RBM19: variants seen among roughly 807,000 people sequenced by gnomAD.
The protein encoded by RBM19 is RNA binding motif protein 19, also known as probable RNA-binding protein 19.
In RBM19, 94 loss-of-function variants were observed where a neutral mutation model predicts 116.8. The observed-to-expected ratio is 0.80, with a 90% CI of 0.68 to 0.95. RBM19 has a LOEUF of 0.95. RBM19 is among the 40% of genes least tolerant of loss of function. RBM19 has a pLI of 0.00. For synonymous variants in RBM19, 475 were observed against 494.1 expected, an observed-to-expected ratio of 0.96 and a Z score of 0.51; for missense variants, 1,161 against 1,220.7, an observed-to-expected ratio of 0.95 and a Z score of 0.73.
intron 23 of RBM19, among the ~76,000 whole-genome samples, chr12:113,843,907 C>T (rs1165943671): frequency 6.6e-6 from 1 of 152,222 alleles, no homozygotes; most frequent in Non-Finnish European, 1.5e-5. Context: ...CGAGCTTGCT[C>T]CAACCTGGGG....
intron 20 of RBM19, among the ~76,000 whole-genome samples, chr12:113,918,034 A>G (rs1284560441): frequency 6.6e-6 from 1 of 152,080 alleles, no homozygotes; most frequent in Non-Finnish European, 1.5e-5. Flanking sequence ...CTTCTGGTTC[A>G]TCCACAGCAC....
At chr12:113,914,049 C>T (rs536582513) in intron 21 of RBM19, among the ~76,000 whole-genome samples, 2 of 152,240 alleles carry the variant, frequency 1.3e-5, no homozygotes, top group South Asian at 2.1e-4. Context: ...TGGTGCCTAC[C>T]TAATCTGAAA....
chr12:113,819,131 G>A (rs1308026002), downstream of RBM19, among the ~76,000 whole-genome samples: 7 of 152,190 alleles, frequency 4.6e-5, no homozygotes, highest in Non-Finnish European at 2.9e-5. Flanking sequence ...ACCCACAGCG[G>A]GTGGGAGACG....
intron 21 of RBM19, among the ~76,000 whole-genome samples, chr12:113,886,246 C>A (rs1483039575): frequency 6.6e-6 from 1 of 152,192 alleles, no homozygotes; most frequent in Non-Finnish European, 1.5e-5. Flanking sequence ...GATTCTCCCA[C>A]CTCAGCCTCC....
chr12:113,827,323 C>T (rs1183679019), intron 23 of RBM19, among the ~76,000 whole-genome samples: 1 of 152,098 alleles, frequency 6.6e-6, no homozygotes, highest in Non-Finnish European at 1.5e-5. Flanking sequence ...GACAACCCCC[C>T]AGTCCTGCCC....
intron 23 of RBM19, among the ~76,000 whole-genome samples, chr12:113,830,575 C>CG (rs1232420079): frequency 8.9e-3 from 107 of 12,062 alleles, no homozygotes; most frequent in East Asian, 0.06. Context: ...GGCTGCGGGG[C>CG]GGGGGGGGGG....
intron 14 of RBM19, among the ~76,000 whole-genome samples, chr12:113,940,846 A>G (rs1870513751): frequency 6.6e-6 from 1 of 152,212 alleles, no homozygotes; most frequent in Admixed American, 6.5e-5. Context: ...AGCCTTGAGA[A>G]ATGTACTTAA....
intron 17 of RBM19, 84 bp downstream of exon 17, chr12:113,926,970 G>A: frequency 1.4e-6 from 2 of 1,438,800 alleles, no homozygotes; most frequent in Non-Finnish European, 1.9e-6. Flanking sequence ...TCATGTTTCA[G>A]GGCAGAATAA....
chr12:113,916,887 T>C (rs1251511657), intron 20 of RBM19, among the ~76,000 whole-genome samples: 2 of 152,236 alleles, frequency 1.3e-5, no homozygotes, highest in Non-Finnish European at 2.9e-5. Context: ...TCCTGACCCA[T>C]GAAACTATGA....
rs768115825 is a variant in RBM19 at position 113,918,433 on chromosome 12, G to A, written c.2400C>T (p.Asp800=). ...ALKQLQGHVV[D]GHKLEVRISE... ...AGATCCTCACTTCCAGCTTGTGGCC[G>A]TCCACGACGTGACCCTAAGAGAGAA... The change falls in exon 20 of 24, where the codon GAC becomes GAT. Residue 800 remains aspartate (D), a synonymous_variant. Transcript: ENST00000261741. The A allele has an allele frequency of 6.8e-6, 11 of 1,614,034 alleles. No homozygotes were observed. In the Admixed American group the frequency reaches 8.3e-5, roughly 12 times the overall value.
At chr12:113,901,189 A>G (rs1881661684) in intron 21 of RBM19, among the ~76,000 whole-genome samples, 2 of 152,216 alleles carry the variant, frequency 1.3e-5, no homozygotes, top group African/African-American at 4.8e-5. Flanking sequence ...TGTACTTACT[A>G]GGTCAGCCTT....
chr12:113,821,154 C>G (rs577017146), downstream of RBM19, among the ~76,000 whole-genome samples: 43 of 152,288 alleles, frequency 2.8e-4, no homozygotes, highest in African/African-American at 9.6e-4. Context: ...GGAGCCCAGG[C>G]AGATCCGAAT....
At chr12:113,836,368 A>T (rs1312027668) in intron 23 of RBM19, among the ~76,000 whole-genome samples, 1 of 152,102 alleles carries the variant, frequency 6.6e-6, no homozygotes, top group Non-Finnish European at 1.5e-5. Flanking sequence ...CAACTTTTAC[A>T]ATGACTTTCA....
Position 113,846,855 on chromosome 12 carries a change from G to A in RBM19, c.2665-2067C>T, listed in dbSNP as rs140569282. On this transcript the variant is annotated intron_variant, in intron 22 of 23. Transcript: ENST00000261741. ...GGCCTACCGAGTAACTGGGACCACA[G>A]GCACATGCTGCAATGCCTCGCTAAG... Among the ~76,000 whole-genome samples the A allele has an allele frequency of 6.8e-3, 1,033 of 152,290 alleles. 9 individuals are homozygous for A. The highest frequency in any genetic ancestry group is 9.8e-3 in the Non-Finnish European group (664 of 68,024).
intron 19 of RBM19, 43 bp downstream of exon 19, chr12:113,920,557 TCCCACTACCTG>T (rs1436886369): frequency 6.7e-7 from 1 of 1,502,820 alleles, no homozygotes; most frequent in Non-Finnish European, 9.3e-7. Context: ...TGACGGGACC[TCCCACTACCTG>T]CCAAGTGCCT....
At chr12:113,875,796 A>C (rs115688689) in intron 21 of RBM19, among the ~76,000 whole-genome samples, 9 of 152,296 alleles carry the variant, frequency 5.9e-5, no homozygotes, top group African/African-American at 2.2e-4. Flanking sequence ...GGGAAAAGTC[A>C]ATGATCGTGT....
At chr12:113,880,012 T>C (rs915491103) in intron 21 of RBM19, among the ~76,000 whole-genome samples, 11 of 151,636 alleles carry the variant, frequency 7.3e-5, no homozygotes, top group African/African-American at 2.7e-4. Flanking sequence ...CCCTCCTCTG[T>C]GCTCAGTGGT....
At chr12:113,865,240 A>G (rs1032316909) in intron 21 of RBM19, among the ~76,000 whole-genome samples, 3 of 152,016 alleles carry the variant, frequency 2.0e-5, no homozygotes, top group Admixed American at 2.0e-4. Context: ...GGGCCTTTGC[A>G]CTTGCTTTTT....
At chr12:113,946,567 C>G in intron 11 of RBM19, 92 bp from the exon 12 acceptor site, 1 of 1,553,986 alleles carries the variant, frequency 6.4e-7, no homozygotes, top group Non-Finnish European at 8.8e-7. Context: ...CACGAGTAAG[C>G]TGGACCCAGC....
Sources: gnomAD v4.1 joint callset for allele counts (sites outside exome capture counted in the v4.1 genomes callset) on GRCh38, gnomAD v4.1.1 for gene constraint, MANE v1.5 for transcripts, NCBI Gene and HGNC (gene_info 2026-07-23, HGNC 2026-07-21) for gene names.